FAM184A: variants seen among roughly 807,000 people sequenced by gnomAD.
FAM184A encodes protein FAM184A.
Under a neutral mutation model 143.8 loss-of-function variants are expected in FAM184A, and 99 were observed. The observed-to-expected ratio is 0.69, with a 90% CI of 0.58 to 0.81. FAM184A has a LOEUF of 0.81. FAM184A is among the 40% of genes least tolerant of loss of function. The pLI is 0.00. For synonymous variants in FAM184A, 427 were observed against 446.4 expected, an observed-to-expected ratio of 0.96 and a Z score of 0.55; for missense variants, 1,217 against 1,310.5, an observed-to-expected ratio of 0.93 and a Z score of 1.10.
At chr6:119,120,025 A>G (rs1789169248) in intron 1 of FAM184A, among the ~76,000 whole-genome samples, 2 of 152,230 alleles carry the variant, frequency 1.3e-5, no homozygotes, top group South Asian at 4.1e-4. Flanking sequence ...TAATTCACGT[A>G]CCCTAAAATT....
chr6:119,137,914 C>T (rs769431238), intron 1 of FAM184A, among the ~76,000 whole-genome samples: 1 of 152,202 alleles, frequency 6.6e-6, no homozygotes, highest in African/African-American at 2.4e-5. Context: ...CTTGCAGATA[C>T]CCCAACAGAA....
intron 1 of FAM184A, among the ~76,000 whole-genome samples, chr6:119,128,054 G>T (rs964872334): frequency 1.3e-5 from 2 of 152,146 alleles, no homozygotes; most frequent in Admixed American, 1.3e-4. Context: ...AGCCAGACAT[G>T]CCTCCTTATA....
chr6:119,127,265 G>T (rs1441750925), intron 1 of FAM184A, among the ~76,000 whole-genome samples: 1 of 152,102 alleles, frequency 6.6e-6, no homozygotes, highest in African/African-American at 2.4e-5. Context: ...AATTTCACCT[G>T]CAAATCCCTT....
rs1057340868 is a variant in FAM184A, at chr6:118,994,177, G to A, written c.2088+8722C>T. 6.6e-5 allele frequency among the ~76,000 whole-genome samples: 10 copies of A among 152,268 alleles called. No homozygotes were observed. In the East Asian group the frequency reaches 9.6e-4, roughly 15 times the overall value. ...ACCCAATTTGCAGTTCAGATTGTAAGCTCCAGGAAGGCAAAGATCACTCTG... is the reference window on the plus strand; with the variant it reads ...ACCCAATTTGCAGTTCAGATTGTAAACTCCAGGAAGGCAAAGATCACTCTG... On this transcript the variant is annotated intron_variant, in intron 9 of 17. Transcript: ENST00000338891.
chr6:119,037,079 C>G (rs560085704), intron 1 of FAM184A, among the ~76,000 whole-genome samples: 2 of 152,216 alleles, frequency 1.3e-5, no homozygotes, highest in East Asian at 3.9e-4. Context: ...TTAAAAACTT[C>G]CTAGTTATTA....
intron 1 of FAM184A, among the ~76,000 whole-genome samples, chr6:119,111,422 A>C (rs1014609157): frequency 3.3e-5 from 5 of 152,156 alleles, no homozygotes; most frequent in African/African-American, 1.2e-4. Context: ...AAGATGAAAA[A>C]CGGCTGGACG....
chr6:119,080,239 A>T (rs1165238964), upstream of FAM184A, among the ~76,000 whole-genome samples: 1 of 152,226 alleles, frequency 6.6e-6, no homozygotes, highest in Non-Finnish European at 1.5e-5. Context: ...AAGGAAATGA[A>T]TGTGTAGCAT....
At chr6:119,039,132 A>G (rs1786223840) in intron 1 of FAM184A, among the ~76,000 whole-genome samples, 2 of 152,224 alleles carry the variant, frequency 1.3e-5, no homozygotes, top group African/African-American at 4.8e-5. Context: ...CTAGGCCAAA[A>G]CCCAACACAC....
At chr6:118,961,438 A>G (rs1043490492) in intron 17 of FAM184A, among the ~76,000 whole-genome samples, 6 of 151,540 alleles carry the variant, frequency 4.0e-5, no homozygotes, top group African/African-American at 1.4e-4. Context: ...AAGTTCTACA[A>G]TAAGGATGGA....
At chr6:119,064,466 C>A (rs1787370288) in intron 1 of FAM184A, among the ~76,000 whole-genome samples, 1 of 152,042 alleles carries the variant, frequency 6.6e-6, no homozygotes, top group African/African-American at 2.4e-5. Context: ...TTTGGGAGGC[C>A]AAGGCAGAAA....
At chr6:119,085,996 A>C (rs886457276) in intron 1 of FAM184A, among the ~76,000 whole-genome samples, 1 of 152,180 alleles carries the variant, frequency 6.6e-6, no homozygotes, top group African/African-American at 2.4e-5. Context: ...CTTTGCCCTC[A>C]TGATCCAATC....
chr6:119,024,718 A>C lies in FAM184A; in HGVS notation c.255T>G (p.Ala85=), dbSNP rs747544071. Residue 85 remains alanine, a synonymous_variant, in exon 2 of 18, where the codon GCT becomes GCG. Coordinates refer to ENST00000338891, the MANE Select transcript of FAM184A (RefSeq NM_024581.6). ...AHEEEIQQIL[A]ETREKILQYK... Reference sequence around the variant, plus strand: ...ACTGCAATATTTTTTCTCTTGTTTCAGCAAGAATTTGTTGAATTTCTTCTT... The same window carrying C: ...ACTGCAATATTTTTTCTCTTGTTTCCGCAAGAATTTGTTGAATTTCTTCTT... 1.1e-5 allele frequency: 18 copies of C among 1,613,690 alleles called. No homozygotes were observed. Among genetic ancestry groups the C allele is most frequent in the Admixed American group, 5.0e-5 (3 of 59,980 alleles).
rs72955072 is a variant in FAM184A at position 119,126,806 on chromosome 6, A to G, written c.-202+22272T>C. On this transcript the variant is annotated intron_variant, in intron 1 of 16. Transcript: ENST00000352896. The stretch of plus-strand genomic sequence containing the variant: ...TCACAAATGAATTTAAGGATAGTAA[A>G]TGTGGGGGATTTTATTGCCAATGGA... Among the ~76,000 whole-genome samples the G allele has an allele frequency of 3.6e-3, 544 of 152,206 alleles. 2 individuals are homozygous for G. Among genetic ancestry groups the G allele is most frequent in the Non-Finnish European group, 3.3e-3 (227 of 68,004 alleles).
chr6:119,016,927 C>A lies in FAM184A; in HGVS notation c.1350G>T (p.Lys450Asn). 6.2e-7 allele frequency: 1 copy of A among 1,605,988 alleles called. No homozygotes were observed. Among genetic ancestry groups the A allele is most frequent in the South Asian group, 1.1e-5 (1 of 89,064 alleles). ...TTTCATAATATTCTTGCTGAGTTCT[C>A]TTTGCTTCATTTACTTTCTAAAATT... ...LELEKKVNEAKRTQQEYYERE... is the reference protein window; with the variant it reads ...LELEKKVNEANRTQQEYYERE... Residue 450 changes from lysine to asparagine, a missense_variant, in exon 5 of 18, where the codon AAG becomes AAT. Transcript: ENST00000338891.
At position 119,005,908 on chromosome 6, in the gene FAM184A, C is replaced by T. The variant is rs79409734; in HGVS notation, c.1815+539G>A. On this transcript the variant is annotated intron_variant, in intron 7 of 17. Coordinates refer to ENST00000338891, the MANE Select transcript of FAM184A (RefSeq NM_024581.6). Reference sequence around the variant, plus strand: ...TAGTTGCTGTATATGAGAGTTCTACCTCTTACTAGTAAAAGAATTGCACGT... The same window carrying T: ...TAGTTGCTGTATATGAGAGTTCTACTTCTTACTAGTAAAAGAATTGCACGT... 2,975 of 534,620 alleles carry T rather than the reference C, an allele frequency of 5.6e-3. 18 individuals are homozygous for T. The highest frequency in any genetic ancestry group is 6.7e-3 in the Non-Finnish European group (1,985 of 295,760). The allele number at this position is 534,620 out of a possible 1,614,324, so 33.1% of individuals were successfully genotyped here.
intron 1 of FAM184A, among the ~76,000 whole-genome samples, chr6:119,144,283 G>A (rs1582653399): frequency 6.7e-6 from 1 of 149,238 alleles, no homozygotes; most frequent in Admixed American, 6.7e-5. Context: ...GCAGTGAGCT[G>A]AGATAGTGCC....
intron 11 of FAM184A, among the ~76,000 whole-genome samples, chr6:118,978,321 T>C (rs1783909995): frequency 6.6e-6 from 1 of 152,196 alleles, no homozygotes; most frequent in Non-Finnish European, 1.5e-5. Flanking sequence ...TAAACAACAA[T>C]AGTTCCAACA....
chr6:118,975,471 G>T (rs185960051), intron 12 of FAM184A, among the ~76,000 whole-genome samples: 11 of 152,334 alleles, frequency 7.2e-5, no homozygotes, highest in Non-Finnish European at 1.5e-5. Context: ...TACAGATGAG[G>T]AAACCAATAC....
chr6:119,104,299 G>T (rs1788719980), intron 1 of FAM184A, among the ~76,000 whole-genome samples: 2 of 152,280 alleles, frequency 1.3e-5, no homozygotes, highest in South Asian at 4.1e-4. Flanking sequence ...GAGCCACCAT[G>T]CCTGGCCAAC....
Sources: allele counts gnomAD v4.1 joint callset (sites outside exome capture counted in the v4.1 genomes callset), GRCh38; gene constraint gnomAD v4.1.1; transcripts MANE v1.5; gene names NCBI Gene and HGNC (gene_info 2026-07-23, HGNC 2026-07-21).